Variants in MAGT1 observed in about 807,000 individuals in gnomAD.
The protein encoded by MAGT1 is magnesium transporter 1, also known as dolichyl-diphosphooligosaccharide--protein glycosyltransferase subunit MAGT1.
In MAGT1, 4 loss-of-function variants were observed where a neutral mutation model predicts 28.4. The ratio of observed to expected loss-of-function variants is 0.14; its 90% CI spans 0.07 to 0.32. The LOEUF is 0.32. MAGT1 is among the 10% of genes least tolerant of loss of function. The pLI, the probability that MAGT1 is intolerant of heterozygous loss-of-function variation, is 1.00. For synonymous variants in MAGT1, 89 were observed against 89.7 expected (o/e 0.99, Z 0.04); for missense variants, 193 against 264.5 (o/e 0.73, Z 1.88).
Position 77,829,158 on chromosome X carries a change from C to A in MAGT1, c.*62G>T, listed in dbSNP as rs782595263. 10 of 964,411 alleles carry A rather than the reference C, an allele frequency of 1.0e-5. No individual in the cohort carries two copies. The African/African-American group carries it at 1.7e-4, about 17-fold the overall frequency. 79.5% of individuals were successfully genotyped at this position (964,411 alleles called of 1,213,427 possible). A position where few individuals can be genotyped will look rare whatever the true frequency, so the allele number is the denominator to read the frequency against. ...TACAAGTTGCATTCTTCTTTTCAAA[C>A]ACACACGATTTTCGTTTTTCAATTT... On this transcript the variant is annotated 3_prime_UTR_variant, in exon 10 of 10. Transcript: ENST00000618282.
chrX:77,885,049 G>A (rs1479268651), intron 1 of MAGT1, among the ~76,000 whole-genome samples: 1 of 99,304 alleles, frequency 1.0e-5, no homozygotes, highest in Non-Finnish European at 2.0e-5. Context: ...GTGACACAGC[G>A]AGACTCCATC....
intron 1 of MAGT1, among the ~76,000 whole-genome samples, chrX:77,878,999 G>A: frequency 9.0e-6 from 1 of 110,922 alleles, no homozygotes; most frequent in Admixed American, 9.7e-5. Context: ...CAGGATTTAA[G>A]TTTGAAATTA....
intron 7 of MAGT1, among the ~76,000 whole-genome samples, chrX:77,841,851 A>ATTTTT (rs34014897): frequency 1.1e-4 from 9 of 80,021 alleles, no homozygotes; most frequent in Admixed American, 3.4e-4. Flanking sequence ...AAATTCTGTA[A>ATTTTT]TTTTTTTTTT....
chrX:77,867,205 C>T (rs2077010433), intron 3 of MAGT1, among the ~76,000 whole-genome samples: 1 of 66,897 alleles, frequency 1.5e-5, no homozygotes, highest in African/African-American at 3.5e-5. Context: ...ACCCCTTGGG[C>T]GGTTACACAG....
At chrX:77,875,677 A>T in intron 1 of MAGT1, 80 bp from the exon 2 acceptor site, 4 of 992,439 alleles carry the variant, frequency 4.0e-6, no homozygotes, top group Non-Finnish European at 5.7e-6. Flanking sequence ...GCTTACTTAA[A>T]ACCAATACTA....
At chrX:77,830,970 T>TTTTATTTTA in intron 8 of MAGT1, 75 bp from the exon 9 acceptor site, 1 of 192,108 alleles carries the variant, frequency 5.2e-6, no homozygotes, top group Non-Finnish European at 9.5e-6. Context: ...ATACTTTCTT[T>TTTTATTTTA]TTTTATTTTA....
intron 9 of MAGT1, among the ~76,000 whole-genome samples, chrX:77,829,884 A>G (rs1557213212): frequency 8.9e-6 from 1 of 112,632 alleles, no homozygotes; most frequent in Non-Finnish European, 1.9e-5. Context: ...AAAATGTTCT[A>G]ATCATTATGT....
At chrX:77,843,824 A>G (rs782083747) in intron 7 of MAGT1, among the ~76,000 whole-genome samples, 3 of 111,558 alleles carry the variant, frequency 2.7e-5, no homozygotes, top group Non-Finnish European at 3.8e-5. Context: ...TCCTAATGCT[A>G]TCCCTCCCCC....
chrX:77,868,536 C>T, intron 3 of MAGT1: 1 of 176,139 alleles, frequency 5.7e-6, no homozygotes, highest in Non-Finnish European at 1.1e-5. Context: ...ATTCAGGAGG[C>T]TGAGGCAGAA....
At chrX:77,848,395 G>A (rs1603360783) in intron 7 of MAGT1, among the ~76,000 whole-genome samples, 2 of 112,461 alleles carry the variant, frequency 1.8e-5, no homozygotes, top group African/African-American at 3.2e-5. Context: ...GCTCACGCTT[G>A]TGGCCAAGAC....
At chrX:77,884,591 G>A (rs529515717) in intron 1 of MAGT1, among the ~76,000 whole-genome samples, 4 of 110,320 alleles carry the variant, frequency 3.6e-5, no homozygotes, top group African/African-American at 1.3e-4. Context: ...CAACACTACC[G>A]ACGTCTTAGG....
intron 2 of MAGT1, among the ~76,000 whole-genome samples, chrX:77,874,595 CAAA>C (rs35731315): frequency 1.4e-4 from 8 of 57,069 alleles, no homozygotes; most frequent in Non-Finnish European, 6.7e-5. Context: ...GACTTTGTTT[CAAA>C]AAAAAAAAAA....
intron 8 of MAGT1, 99 bp downstream of exon 8, chrX:77,841,147 T>C (rs1366772227): frequency 1.6e-6 from 1 of 617,531 alleles, no homozygotes; most frequent in Non-Finnish European, 2.6e-6. Flanking sequence ...AGGGGTAAAA[T>C]AACCTACTTA....
At chrX:77,889,140 A>AT (rs782124850) in intron 1 of MAGT1, among the ~76,000 whole-genome samples, 858 of 68,250 alleles carry the variant, frequency 0.013, 13 homozygotes, top group East Asian at 0.019. Flanking sequence ...ATGCTCTGCT[A>AT]TTTTTTTTTT....
chrX:77,865,008 G>T (rs1239716593), intron 3 of MAGT1, among the ~76,000 whole-genome samples: 1 of 111,605 alleles, frequency 9.0e-6, no homozygotes, highest in East Asian at 2.8e-4. Context: ...CACCATGCCT[G>T]GCCTCAATTT....
intron 2 of MAGT1, among the ~76,000 whole-genome samples, chrX:77,873,465 TAA>T (rs2149024423): frequency 8.9e-6 from 1 of 112,624 alleles, no homozygotes; most frequent in African/African-American, 3.2e-5. Flanking sequence ...AAAATATAAA[TAA>T]AAAGACACTA....
At position 77,870,865 on chromosome X, in the gene MAGT1, G is replaced by A. The variant is rs958693596; in HGVS notation, c.333C>T (p.Thr111=). ...ANSWRYSSAF[T]NRIFFAMVDF... ...CCACCATGGCAAAAAATATCCTGTT[G>A]GTGAATGCACTGGAGTATCGCCAGG... Residue 111 remains threonine (T), a synonymous_variant, in exon 3 of 10, where the codon ACC becomes ACT. Coordinates refer to ENST00000618282, the MANE Select transcript of MAGT1 (RefSeq NM_001367916.1). 8.3e-7 allele frequency: 1 copy of A among 1,210,516 alleles called. No homozygotes were observed. Among genetic ancestry groups the A allele is most frequent in the Non-Finnish European group, 1.1e-6 (1 of 894,379 alleles).
chrX:77,892,403 G>A (rs1290495248), intron 1 of MAGT1, among the ~76,000 whole-genome samples: 1 of 111,846 alleles, frequency 8.9e-6, no homozygotes, highest in Non-Finnish European at 1.9e-5. Context: ...AGGGAAGGAG[G>A]AAAAACTAAA....
intron 8 of MAGT1, 68 bp from the exon 9 acceptor site, chrX:77,830,963 C>A (rs2076895925): frequency 1.1e-5 from 4 of 362,468 alleles, no homozygotes; most frequent in Non-Finnish European, 1.8e-5. Context: ...GCAGTCTATA[C>A]TTTCTTTTTT....
Sources: allele counts gnomAD v4.1 joint callset (sites outside exome capture counted in the v4.1 genomes callset), GRCh38; gene constraint gnomAD v4.1.1; transcripts MANE v1.5; gene names NCBI Gene and HGNC (gene_info 2026-07-23, HGNC 2026-07-21).